TSGA10IP: variants seen among roughly 807,000 people sequenced by gnomAD.
TSGA10IP encodes testis specific 10 interacting protein, also known as testis-specific protein 10-interacting protein.
Under a neutral mutation model 63.2 loss-of-function variants are expected in TSGA10IP, and 64 were observed. That is an observed-to-expected ratio of 1.01 (90% CI 0.83 to 1.25). TSGA10IP has a LOEUF of 1.25. Ranked by LOEUF, TSGA10IP falls within the 50% of genes most tolerant of loss-of-function variation. TSGA10IP has a pLI of 0.00. For synonymous variants in TSGA10IP, 316 were observed against 298.3 expected, an observed-to-expected ratio of 1.06 and a Z score of -0.61; for missense variants, 681 against 710.1, an observed-to-expected ratio of 0.96 and a Z score of 0.47.
At chr11:65,947,052 G>C (rs1165206596) in intron 2 of TSGA10IP, 36 bp downstream of exon 2, 1 of 1,611,416 alleles carries the variant, frequency 6.2e-7, no homozygotes. Flanking sequence ...AGGCTGTTGG[G>C]GGTCAGGGCC....
Position 65,947,338 on chromosome 11 carries a change from G to A in TSGA10IP, c.513G>A (p.Ala171=), listed in dbSNP as rs746080706. 17 of 1,611,970 alleles carry A rather than the reference G, an allele frequency of 1.1e-5. No homozygotes were observed. In the Admixed American group the frequency reaches 1.2e-4, roughly 11 times the overall value. Residue 171 remains alanine (A), a synonymous_variant, in exon 3 of 8, where the codon GCG becomes GCA. Transcript: ENST00000532620. ...AGACAGAGGCGCAAAACCTGAAGGCGAGACAGCAGCTGGGAGCCTGGGGCG... is the reference window on the plus strand; with the variant it reads ...AGACAGAGGCGCAAAACCTGAAGGCAAGACAGCAGCTGGGAGCCTGGGGCG...
chr11:65,953,634 C>A (rs200258367), exon 5 of TSGA10IP: 3 of 1,591,362 alleles, frequency 1.9e-6, no homozygotes, highest in Non-Finnish European at 2.6e-6. Flanking sequence ...GCGGCGGGCC[C>A]GGACACAGCA....
At chr11:65,959,484 T>C (rs1170471108) in intron 7 of TSGA10IP, among the ~76,000 whole-genome samples, 170 bp downstream of exon 7, 1 of 152,144 alleles carries the variant, frequency 6.6e-6, no homozygotes, top group African/African-American at 2.4e-5. Flanking sequence ...ACTAAGGACC[T>C]GAGGGGAAGG....
intron 5 of TSGA10IP, among the ~76,000 whole-genome samples, chr11:65,957,681 G>C (rs745571629): frequency 6.6e-6 from 1 of 152,154 alleles, no homozygotes; most frequent in Non-Finnish European, 1.5e-5. Flanking sequence ...TTTTTCCACC[G>C]GGCCCAGCAC....
At chr11:65,952,026 A>AT (rs1404673865) in intron 4 of TSGA10IP, among the ~76,000 whole-genome samples, 6 of 151,482 alleles carry the variant, frequency 4.0e-5, no homozygotes, top group Admixed American at 6.6e-5. Context: ...ATTTTTTTGT[A>AT]TTTTTTTAGT....
At chr11:65,945,615 C>T in exon 1 of TSGA10IP, 1 of 1,580,672 alleles carries the variant, frequency 6.3e-7, no homozygotes, top group East Asian at 2.2e-5. Context: ...TGGCTGAGGA[C>T]TGGTTGCCAT....
chr11:65,959,158 G>A (rs375188190), intron 6 of TSGA10IP, 32 bp from the exon 7 acceptor site: 3 of 1,596,260 alleles, frequency 1.9e-6, no homozygotes, highest in African/African-American at 2.7e-5. Flanking sequence ...CAGCCCTGGT[G>A]CAGAGCAGGA....
chr11:65,959,200 G>A lies in TSGA10IP; in HGVS notation c.1433G>A (p.Arg478Gln), dbSNP rs372485688. Residue 478 changes from arginine to glutamine, a missense_variant, in exon 7 of 8, where the codon CGG (arginine) becomes CAG (glutamine). By Grantham distance (43) the Arg-to-Gln change is conservative. Coordinates refer to ENST00000532620, the Ensembl canonical transcript of TSGA10IP. ...CTTCTCTCTCCTCAGGCCAATGCCC[G>A]GCTCACCGTCACTCGGCGCTTCTCC... The A allele has an allele frequency of 1.0e-5, 16 of 1,604,804 alleles. No homozygotes were observed. Among genetic ancestry groups the A allele is most frequent in the East Asian group, 2.2e-5 (1 of 44,634 alleles).
chr11:65,950,773 A>G (rs758494798), intron 4 of TSGA10IP, among the ~76,000 whole-genome samples: 1 of 152,126 alleles, frequency 6.6e-6, no homozygotes, highest in African/African-American at 2.4e-5. Flanking sequence ...TGTGTTAGCC[A>G]GGATGGTCTC....
intron 5 of TSGA10IP, among the ~76,000 whole-genome samples, chr11:65,954,596 A>G (rs1043132068): frequency 6.6e-6 from 1 of 151,960 alleles, no homozygotes; most frequent in Non-Finnish European, 1.5e-5. Context: ...CGCACAAAAG[A>G]AAAAGTTTAT....
At chr11:65,959,062 A>G in intron 6 of TSGA10IP, 80 bp downstream of exon 6, 2 of 1,567,164 alleles carry the variant, frequency 1.3e-6, no homozygotes, top group Non-Finnish European at 1.7e-6. Flanking sequence ...GGATGCGAGT[A>G]GGTCCCTGCA....
Position 65,945,504 on chromosome 11 carries a change from T to G in TSGA10IP, c.-172T>G. 1.4e-6 allele frequency: 1 copy of G among 695,742 alleles called. No individual in the cohort carries two copies. The highest frequency in any genetic ancestry group is 2.8e-5 in the East Asian group (1 of 35,718). The allele number at this position is 695,742 out of a possible 1,614,324, so 43.1% of individuals were successfully genotyped here. A position where few individuals can be genotyped will look rare whatever the true frequency, so the allele number is the denominator to read the frequency against. Reference sequence around the variant, plus strand: ...CTTGGGCCTGGGTCTCTGCGCTAAATGACTCCTGGGCATCCTGCTGAACTC... The same window carrying G: ...CTTGGGCCTGGGTCTCTGCGCTAAAGGACTCCTGGGCATCCTGCTGAACTC... On this transcript the variant is annotated 5_prime_UTR_variant, in exon 1 of 8. It removes an upstream start codon present in the reference 5' UTR. Coordinates refer to ENST00000532620, the Ensembl canonical transcript of TSGA10IP.
In TSGA10IP at chr11:65,958,950, GC is replaced by G. The variant is rs773110054; in HGVS notation, c.1393del (p.Arg465GlyfsTer59). On this transcript the variant is annotated frameshift_variant, in exon 6 of 8. Coordinates refer to ENST00000532620, the Ensembl canonical transcript of TSGA10IP. LOFTEE classifies it high-confidence loss of function. ...GCAAGGCATCCAGCACAGGGTGCAG[GC>G]CCGGCCCTTCCTGTTCCAGCAGGCT... 4 of 1,613,242 alleles carry G rather than the reference GC, an allele frequency of 2.5e-6. No homozygotes were observed. In the East Asian group the frequency reaches 8.9e-5, roughly 36 times the overall value.
At chr11:65,948,646 G>A (rs1854889272) in intron 4 of TSGA10IP, among the ~76,000 whole-genome samples, 1 of 151,342 alleles carries the variant, frequency 6.6e-6, no homozygotes, top group African/African-American at 2.4e-5. Flanking sequence ...ATTGCATTCA[G>A]CATGGGCAAC....
exon 8 of TSGA10IP, chr11:65,959,900 G>A: frequency 6.2e-7 from 1 of 1,612,702 alleles, no homozygotes; most frequent in South Asian, 1.1e-5. Context: ...CAGCCTGACA[G>A]GCACTACAAC....
At chr11:65,953,873 T>G (rs2134880056) in intron 5 of TSGA10IP, 136 bp downstream of exon 5, 2 of 661,926 alleles carry the variant, frequency 3.0e-6, no homozygotes, top group East Asian at 6.8e-5. Context: ...CGTTTCCAGA[T>G]AAGGACGCTG....
chr11:65,957,029 C>G (rs773302778), intron 5 of TSGA10IP, among the ~76,000 whole-genome samples: 4 of 152,222 alleles, frequency 2.6e-5, no homozygotes, highest in Non-Finnish European at 4.4e-5. Flanking sequence ...AGACTCTGTC[C>G]TGCCTAGGAA....
At chr11:65,948,219 C>T in intron 4 of TSGA10IP, 71 bp downstream of exon 4, 3 of 1,495,106 alleles carry the variant, frequency 2.0e-6, no homozygotes, top group Non-Finnish European at 2.7e-6. Flanking sequence ...CCAAGAGATG[C>T]TTAGGCATTT....
In TSGA10IP at chr11:65,948,025, C is replaced by T. The variant is rs1489373770; in HGVS notation, c.1028C>T (p.Thr343Ile). 2.6e-6 allele frequency: 4 copies of T among 1,564,632 alleles called. No individual in the cohort carries two copies. The African/African-American group carries it at 4.1e-5, about 16-fold the overall frequency. ...GGCCCCCAAAAGCTGCCCTGGAAGA[C>T]TTTGAGGGCTGCCTTCCAGGCCTCC... Residue 343 changes from threonine (T) to isoleucine (I), a missense_variant, in exon 4 of 8, where the codon ACT becomes ATT. Thr to Ile is a moderately conservative substitution (Grantham distance 89, BLOSUM62 -1). Coordinates refer to ENST00000532620, the Ensembl canonical transcript of TSGA10IP.
Sources: allele counts gnomAD v4.1 joint callset (sites outside exome capture counted in the v4.1 genomes callset), GRCh38; gene constraint gnomAD v4.1.1; transcripts MANE v1.5; gene names NCBI Gene and HGNC (gene_info 2026-07-23, HGNC 2026-07-21).